CTNNA3: variants seen among roughly 807,000 people sequenced by gnomAD.
The protein encoded by CTNNA3 is catenin alpha-3.
In CTNNA3, 76 loss-of-function variants were observed where a neutral mutation model predicts 95.7. That is an observed-to-expected ratio of 0.79 (90% CI 0.66 to 0.96). CTNNA3 has a LOEUF of 0.96. Ranked by LOEUF, CTNNA3 falls within the 40% of genes least tolerant of loss-of-function variation. The pLI is 0.00. For missense variants in CTNNA3, 1,191 were observed against 1,089.8 expected (o/e 1.09, Z -1.31); for synonymous variants, 431 against 374.4 (o/e 1.15, Z -1.74).
intron 15 of CTNNA3, among the ~76,000 whole-genome samples, chr10:66,024,421 C>T (rs2133437968): frequency 6.6e-6 from 1 of 152,208 alleles, no homozygotes; most frequent in Middle Eastern, 3.4e-3. Flanking sequence ...CAAAATTTAC[C>T]CAAAGTCGTT....
At chr10:66,808,364 CA>C (rs1841739084) in intron 7 of CTNNA3, among the ~76,000 whole-genome samples, 1 of 152,100 alleles carries the variant, frequency 6.6e-6, no homozygotes, top group Admixed American at 6.6e-5. Flanking sequence ...ATATTGTGTT[CA>C]GTGAGCAAAA....
At chr10:66,109,355 G>C (rs138467375) in intron 13 of CTNNA3, among the ~76,000 whole-genome samples, 106 of 152,290 alleles carry the variant, frequency 7.0e-4, no homozygotes, top group Middle Eastern at 6.8e-3. Context: ...GTCTTGATCT[G>C]AATAATTCCA....
intron 5 of CTNNA3, among the ~76,000 whole-genome samples, chr10:67,250,507 G>C (rs559578625): frequency 1.3e-5 from 2 of 150,978 alleles, no homozygotes; most frequent in East Asian, 3.9e-4. Flanking sequence ...GAGCCACCGC[G>C]CCCGGCCACA....
intron 6 of CTNNA3, among the ~76,000 whole-genome samples, chr10:67,196,929 A>C (rs1045359332): frequency 3.3e-5 from 5 of 152,218 alleles, no homozygotes; most frequent in African/African-American, 9.6e-5. Flanking sequence ...TTTGTGTTTT[A>C]CATGGTCTGT....
chr10:66,022,699 G>C (rs1472490217), intron 15 of CTNNA3, among the ~76,000 whole-genome samples: 1 of 151,992 alleles, frequency 6.6e-6, no homozygotes, highest in Non-Finnish European at 1.5e-5. Context: ...TACCATCTGG[G>C]TTCCAGATAT....
intron 7 of CTNNA3, among the ~76,000 whole-genome samples, chr10:67,132,771 G>GT (rs1194354759): frequency 1.3e-5 from 2 of 152,044 alleles, no homozygotes; most frequent in African/African-American, 4.8e-5. Context: ...ACAGTAACAT[G>GT]TATGGAACTT....
intron 17 of CTNNA3, among the ~76,000 whole-genome samples, chr10:65,961,000 C>T (rs1019136686): frequency 2.6e-5 from 4 of 152,048 alleles, no homozygotes; most frequent in African/African-American, 7.2e-5. Flanking sequence ...TCTTTCTACC[C>T]GTTCTAACAT....
At chr10:67,727,751 T>G (rs1841247317) in intron 1 of CTNNA3, among the ~76,000 whole-genome samples, 1 of 125,146 alleles carries the variant, frequency 8.0e-6, no homozygotes, top group Non-Finnish European at 1.6e-5. Flanking sequence ...ATAGCTTACT[T>G]ATATTATATA....
chr10:67,342,694 T>A (rs1055427311), intron 5 of CTNNA3, among the ~76,000 whole-genome samples: 5 of 152,172 alleles, frequency 3.3e-5, no homozygotes, highest in Non-Finnish European at 7.4e-5. Context: ...TTGAAGAGAC[T>A]GTCTTTTTTC....
chr10:67,013,106 TC>T (rs1322406672), intron 7 of CTNNA3: 1 of 152,172 alleles, frequency 6.6e-6, no homozygotes, highest in Non-Finnish European at 1.5e-5. Flanking sequence ...ACATCATCTT[TC>T]ATTTTCTACA....
chr10:66,434,496 T>C, intron 11 of CTNNA3, among the ~76,000 whole-genome samples: 1 of 152,202 alleles, frequency 6.6e-6, no homozygotes, highest in African/African-American at 2.4e-5. Context: ...ATTGATTTTG[T>C]ATCCTGAGAC....
chr10:66,440,008 C>T (rs1481843415), intron 11 of CTNNA3, among the ~76,000 whole-genome samples: 1 of 152,098 alleles, frequency 6.6e-6, no homozygotes. Context: ...TCCTTTATAA[C>T]CTCAGGCAAG....
intron 8 of CTNNA3, among the ~76,000 whole-genome samples, chr10:66,769,218 C>T (rs1839985684): frequency 6.6e-6 from 1 of 152,188 alleles, no homozygotes; most frequent in South Asian, 2.1e-4. Context: ...TCACATTGTG[C>T]CAACTTTTGT....
At chr10:66,336,036 C>T (rs553075773) in intron 12 of CTNNA3, among the ~76,000 whole-genome samples, 18 of 152,204 alleles carry the variant, frequency 1.2e-4, no homozygotes, top group East Asian at 1.9e-4. Flanking sequence ...AAGACAGGTG[C>T]GGGATATAAT....
intron 1 of CTNNA3, among the ~76,000 whole-genome samples, chr10:67,724,163 C>A (rs981399240): frequency 7.9e-5 from 12 of 152,264 alleles, no homozygotes; most frequent in African/African-American, 2.9e-4. Context: ...TGTTACCACC[C>A]AGATGAACTA....
chr10:66,323,188 A>G lies in CTNNA3; in HGVS notation c.1733-42567T>C, dbSNP rs1026806540. On this transcript the variant is annotated intron_variant, in intron 12 of 17. Transcript: ENST00000433211. ...GGTAAATGTAATTCCAACAGCAGTA[A>G]GAACAAAATACAAATTAATGTCTCA... Among the ~76,000 whole-genome samples the G allele has an allele frequency of 2.4e-4, 37 of 152,074 alleles. 1 individual carries two copies. The highest frequency in any genetic ancestry group is 1.5e-5 in the Non-Finnish European group (1 of 67,988).
chr10:65,955,982 C>T (rs753465354), intron 17 of CTNNA3, among the ~76,000 whole-genome samples: 1 of 152,110 alleles, frequency 6.6e-6, no homozygotes, highest in South Asian at 2.1e-4. Context: ...CCTCTTTGTG[C>T]CTCTGGGAGA....
At chr10:66,786,309 G>T (rs1191858315) in intron 7 of CTNNA3, among the ~76,000 whole-genome samples, 1 of 151,938 alleles carries the variant, frequency 6.6e-6, no homozygotes, top group Non-Finnish European at 1.5e-5. Flanking sequence ...GCAAGTTTAT[G>T]GGAAAAGTCA....
At position 65,919,628 on chromosome 10, in the gene CTNNA3, G is replaced by T. The variant is rs2077052115; in HGVS notation, c.*702C>A. The T allele has an allele frequency of 6.6e-6, 1 of 152,140 alleles. No homozygotes were observed. Among genetic ancestry groups the T allele is most frequent in the African/African-American group, 2.4e-5 (1 of 41,424 alleles). 9.4% of individuals were successfully genotyped at this position (152,140 alleles called of 1,614,324 possible). ...TCTCTAACACATTGGAAACCCAAAA[G>T]GTGAGTATGTGGCATCAGAACTCAT... On this transcript the variant is annotated 3_prime_UTR_variant, in exon 18 of 18. Transcript: ENST00000433211.
Sources: allele counts gnomAD v4.1 joint callset (sites outside exome capture counted in the v4.1 genomes callset), GRCh38; gene constraint gnomAD v4.1.1; transcripts MANE v1.5; gene names NCBI Gene and HGNC (gene_info 2026-07-23, HGNC 2026-07-21).